SLC25A33: variants seen among roughly 807,000 people sequenced by gnomAD.
The protein encoded by SLC25A33 is solute carrier family 25 member 33, also known as bone marrow stromal cell mitochondrial carrier protein.
SLC25A33 carries 15 observed loss-of-function variants against 35.5 expected under a neutral mutation model. The ratio of observed to expected loss-of-function variants is 0.42; its 90% CI spans 0.28 to 0.65. The LOEUF (loss-of-function observed/expected upper bound fraction) is 0.65. SLC25A33 is among the 30% of genes least tolerant of loss of function. SLC25A33 has a pLI of 0.20. For missense variants in SLC25A33, 257 were observed against 398.5 expected, an observed-to-expected ratio of 0.64 and a Z score of 3.02; for synonymous variants, 136 against 148.7, an observed-to-expected ratio of 0.91 and a Z score of 0.62.
chr1:9,570,204 C>A (rs974717493), intron 3 of SLC25A33, 54 bp from the exon 4 acceptor site: 2 of 1,461,524 alleles, frequency 1.4e-6, no homozygotes, highest in Non-Finnish European at 1.9e-6. Flanking sequence ...TCTGGAGGGA[C>A]GTATAAAGTT....
At chr1:9,568,786 G>C (rs1643546678) in intron 3 of SLC25A33, among the ~76,000 whole-genome samples, 1 of 151,976 alleles carries the variant, frequency 6.6e-6, no homozygotes, top group Admixed American at 6.6e-5. Flanking sequence ...GGGAGGCGGA[G>C]CTTGCAGTGA....
At chr1:9,560,940 G>A (rs1643414911) in intron 2 of SLC25A33, among the ~76,000 whole-genome samples, 1 of 151,164 alleles carries the variant, frequency 6.6e-6, no homozygotes, top group South Asian at 2.1e-4. Context: ...TTAAACTGCT[G>A]AGACACATTC....
intron 1 of SLC25A33, among the ~76,000 whole-genome samples, chr1:9,553,203 GTTTT>G (rs550067186): frequency 0.043 from 2,428 of 56,620 alleles, 86 homozygotes; most frequent in African/African-American, 0.14. Flanking sequence ...TTCTAGTTTT[GTTTT>G]TTTTTTTTTT....
intron 4 of SLC25A33, 33 bp downstream of exon 4, chr1:9,570,391 C>G: frequency 1.3e-6 from 2 of 1,556,138 alleles, no homozygotes; most frequent in South Asian, 1.1e-5. Context: ...GAGAGGGTCT[C>G]TCTCTCACTT....
intron 4 of SLC25A33, 29 bp downstream of exon 4, chr1:9,570,387 G>GTC (rs557515976): frequency 3.8e-6 from 6 of 1,562,594 alleles, no homozygotes; most frequent in Admixed American, 1.7e-5. Context: ...TGAAGAGAGG[G>GTC]TCTCTCTCTC....
intron 1 of SLC25A33, among the ~76,000 whole-genome samples, chr1:9,545,623 G>A (rs1643155956): frequency 6.7e-6 from 1 of 149,014 alleles, no homozygotes; most frequent in Non-Finnish European, 1.5e-5. Flanking sequence ...GGCTGGTCTT[G>A]AACTCCTGAT....
Position 9,578,610 on chromosome 1 carries a change from G to T in SLC25A33, c.483-1344G>T, listed in dbSNP as rs1015627810. Reference sequence around the variant, plus strand: ...ATCTAATAAGTAGCCTCACCAACAGGTTGGAATGTTCCTATTTTTCTTTCT... The same window carrying T: ...ATCTAATAAGTAGCCTCACCAACAGTTTGGAATGTTCCTATTTTTCTTTCT... On this transcript the variant is annotated intron_variant, in intron 5 of 6. Coordinates refer to ENST00000302692, the MANE Select transcript of SLC25A33 (RefSeq NM_032315.3). This position sits in a 1 kb window ranked among gnomAD's most constrained non-coding sequence, Gnocchi z 4.3. 1.3e-5 allele frequency among the ~76,000 whole-genome samples: 2 copies of T among 152,328 alleles called. No homozygotes were observed. The highest frequency in any genetic ancestry group is 1.3e-4 in the Admixed American group (2 of 15,304).
intron 2 of SLC25A33, among the ~76,000 whole-genome samples, chr1:9,562,752 C>G (rs528686850): frequency 6.7e-6 from 1 of 149,892 alleles, no homozygotes; most frequent in Non-Finnish European, 1.5e-5. Flanking sequence ...TACTTGGAGA[C>G]TGAGGCAGGA....
rs1457564842 is a variant in SLC25A33, at chr1:9,578,247, T to C, written c.483-1707T>C. Among the ~76,000 whole-genome samples, 10 of 152,004 alleles carry C rather than the reference T, an allele frequency of 6.6e-5. No homozygotes were observed. The highest frequency in any genetic ancestry group is 1.5e-4 in the Non-Finnish European group (10 of 67,990). ...GATGGTTTTAAGCACGGGAGTTGCA[T>C]GGTTGGATTTGTGTTAGAAAGGTCA... On this transcript the variant is annotated intron_variant, in intron 5 of 6. Transcript: ENST00000302692. The surrounding 1 kb of genome is among the most constrained non-coding windows in gnomAD (Gnocchi z 4.3).
rs369042133 is a variant in SLC25A33, at chr1:9,550,171, G to A, written c.57-3455G>A. Among the ~76,000 whole-genome samples the A allele has an allele frequency of 3.5e-5, 5 of 143,426 alleles. No homozygotes were observed. In the Middle Eastern group the frequency reaches 0.011, roughly 314 times the overall value. The allele number at this position is 143,426 out of a possible 152,430, so 94.1% of individuals were successfully genotyped here. ...GTACACCACCATGCCTGACTAATTT[G>A]TTTTTGTTTTTGTAGAGACAGGACT... is the stretch of plus-strand genomic sequence containing the variant. On this transcript the variant is annotated intron_variant, in intron 1 of 6. Transcript: ENST00000302692.
intron 1 of SLC25A33, among the ~76,000 whole-genome samples, chr1:9,552,055 A>C (rs1643273551): frequency 6.6e-6 from 1 of 152,220 alleles, no homozygotes. Flanking sequence ...AAATATTTAA[A>C]TAGTAATTCA....
intron 1 of SLC25A33, among the ~76,000 whole-genome samples, chr1:9,546,782 G>T (rs74051544): frequency 0.018 from 2,778 of 152,236 alleles, 101 homozygotes; most frequent in African/African-American, 0.063. Context: ...TCTAGAGGGA[G>T]CACAGGCTTC....
chr1:9,555,415 G>A (rs1175052624), intron 2 of SLC25A33, among the ~76,000 whole-genome samples: 1 of 152,090 alleles, frequency 6.6e-6, no homozygotes, highest in Non-Finnish European at 1.5e-5. Context: ...ACCGCACCCA[G>A]CCACATTTAG....
At chr1:9,573,254 C>A (rs1486742022) in intron 4 of SLC25A33, 92 bp from the exon 5 acceptor site, 12 of 852,730 alleles carry the variant, frequency 1.4e-5, no homozygotes, top group Non-Finnish European at 2.1e-5. Context: ...CCATTGAAAT[C>A]CCTATTTCAA....
In SLC25A33 at chr1:9,582,177, G is replaced by T. The variant is rs1643754543; in HGVS notation, c.764-122G>T. 1.9e-6 allele frequency: 2 copies of T among 1,029,702 alleles called. No individual in the cohort carries two copies. Among genetic ancestry groups the T allele is most frequent in the East Asian group, 5.0e-5 (2 of 39,754 alleles). The allele number at this position is 1,029,702 out of a possible 1,614,324, so 63.8% of individuals were successfully genotyped here. A position where few individuals can be genotyped will look rare whatever the true frequency, so the allele number is the denominator to read the frequency against. On this transcript the variant is annotated intron_variant, in intron 6 of 6. Transcript: ENST00000302692. This position sits in a 1 kb window ranked among gnomAD's most constrained non-coding sequence, Gnocchi z 4.0. The stretch of plus-strand genomic sequence containing the variant: ...GATCCACCCGCCTCGGCCTCCCAAA[G>T]TTCTGGGATTACAGGTGTGAGCCAC...
Position 9,553,724 on chromosome 1 carries a change from C to T in SLC25A33, c.155C>T (p.Pro52Leu), listed in dbSNP as rs144116998. ...TTAGCTCTCCGGACAGTCTACTATCCTCAGGTTCATCTGGGGACCATTAGT... is the reference window on the plus strand; with the variant it reads ...TTAGCTCTCCGGACAGTCTACTATCTTCAGGTTCATCTGGGGACCATTAGT... ...SRLALRTVYYPQVHLGTISGA... is the reference protein window; with the variant it reads ...SRLALRTVYYLQVHLGTISGA... The change falls in exon 2 of 7, where the codon CCT (proline) becomes CTT (leucine). Residue 52 changes from proline to leucine, a missense_variant. Transcript: ENST00000302692. 9.9e-6 allele frequency: 16 copies of T among 1,614,044 alleles called. No homozygotes were observed. Among genetic ancestry groups the T allele is most frequent in the Non-Finnish European group, 1.4e-5 (16 of 1,180,046 alleles).
intron 4 of SLC25A33, among the ~76,000 whole-genome samples, chr1:9,572,893 C>A (rs1027289201): frequency 7.0e-6 from 1 of 142,504 alleles, no homozygotes. Flanking sequence ...AAGGGAGACC[C>A]GTCTCTACAA....
chr1:9,566,914 G>A (rs186740268), intron 2 of SLC25A33, among the ~76,000 whole-genome samples: 17 of 152,022 alleles, frequency 1.1e-4, no homozygotes, highest in Admixed American at 8.5e-4. Flanking sequence ...TGTAATCCCA[G>A]CTACTTGGGA....
rs1443618508 is a variant in SLC25A33 at position 9,580,007 on chromosome 1, A to C, written c.536A>C (p.Gln179Pro). The C allele has an allele frequency of 6.2e-7, 1 of 1,613,492 alleles. No individual in the cohort carries two copies. The highest frequency in any genetic ancestry group is 8.5e-7 in the Non-Finnish European group (1 of 1,179,718). Reference sequence around the variant, plus strand: ...CTCCAGTGTGCTCGTTACGTTTACCAGACCGAAGGCATTCGTGGCTTCTAT... The same window carrying C: ...CTCCAGTGTGCTCGTTACGTTTACCCGACCGAAGGCATTCGTGGCTTCTAT... The part of the protein sequence containing the change: ...NTLQCARYVY[Q>P]TEGIRGFYRG... The change falls in exon 6 of 7, where the codon CAG (glutamine) becomes CCG (proline). Residue 179 changes from glutamine to proline, a missense_variant. Coordinates refer to ENST00000302692, the MANE Select transcript of SLC25A33 (RefSeq NM_032315.3).
Sources: gnomAD v4.1 joint callset for allele counts (sites outside exome capture counted in the v4.1 genomes callset) on GRCh38, gnomAD v4.1.1 for gene constraint, Gnocchi (gnomAD v3.1) non-coding constraint, MANE v1.5 for transcripts, NCBI Gene and HGNC (gene_info 2026-07-23, HGNC 2026-07-21) for gene names.